MROH2A: variants seen among roughly 807,000 people sequenced by gnomAD.
MROH2A encodes the protein maestro heat-like repeat-containing protein family member 2A.
Under a neutral mutation model 200.4 loss-of-function variants are expected in MROH2A, and 174 were observed. That is an observed-to-expected ratio of 0.87 (90% confidence interval 0.77 to 0.98). MROH2A has a LOEUF of 0.98. Ranked by LOEUF, MROH2A falls within the 50% of genes least tolerant of loss-of-function variation. The pLI, the probability that MROH2A is intolerant of heterozygous loss-of-function variation, is 0.00. For synonymous variants in MROH2A, 829 were observed against 840.4 expected, an observed-to-expected ratio of 0.99 and a Z score of 0.23; for missense variants, 2,045 against 2,139.6, an observed-to-expected ratio of 0.96 and a Z score of 0.87.
At chr2:233,811,658 T>C (rs1401225828) in intron 23 of MROH2A, among the ~76,000 whole-genome samples, 1 of 152,218 alleles carries the variant, frequency 6.6e-6, no homozygotes, top group Admixed American at 6.5e-5. Flanking sequence ...ACACAGCAAG[T>C]AGATGAGCAG....
intron 5 of MROH2A, among the ~76,000 whole-genome samples, chr2:233,792,139 A>G (rs1559444273): frequency 6.6e-6 from 1 of 151,752 alleles, no homozygotes; most frequent in Non-Finnish European, 1.5e-5. Context: ...GTCCGGGAGG[A>G]TGGACGCACT....
At chr2:233,811,284 G>C (rs1249024153) in intron 23 of MROH2A, among the ~76,000 whole-genome samples, 1 of 152,252 alleles carries the variant, frequency 6.6e-6, no homozygotes, top group Non-Finnish European at 1.5e-5. Flanking sequence ...AGGACTTAGA[G>C]TGAAGCCCTG....
At position 233,828,583 on chromosome 2, in the gene MROH2A, G is replaced by A. The variant is rs1704480848; in HGVS notation, c.4114-47G>A. 2 of 1,538,280 alleles carry A rather than the reference G, an allele frequency of 1.3e-6. No individual in the cohort carries two copies. The highest frequency in any genetic ancestry group is 2.0e-5 in the Admixed American group (1 of 50,160). ...CTCCCACGTCCCACCTTGCTGCTGA[G>A]AAATGAGCCCGCCCTGGGGATAACT... On this transcript the variant is annotated intron_variant, in intron 35 of 41. Coordinates refer to ENST00000389758, the MANE Select transcript of MROH2A (RefSeq NM_001394639.1). The surrounding 1 kb of genome is among the most constrained non-coding windows in gnomAD (Gnocchi z 4.6).
Position 233,816,798 on chromosome 2 carries a change from C to T in MROH2A, c.2874C>T (p.Ile958=). ...QEMVQLLEKW[I]LSEKEWEREK... Reference sequence around the variant, plus strand: ...ACCCATAGCTCCTGGAAAAGTGGATCTTGTCGGAGAAAGAATGGGAGCGGG... The same window carrying T: ...ACCCATAGCTCCTGGAAAAGTGGATTTTGTCGGAGAAAGAATGGGAGCGGG... The change falls in exon 27 of 42, where the codon ATC becomes ATT. Residue 958 remains isoleucine, a synonymous_variant. Transcript: ENST00000389758. 6.5e-7 allele frequency: 1 copy of T among 1,550,278 alleles called. No homozygotes were observed. Among genetic ancestry groups the T allele is most frequent in the Non-Finnish European group, 8.7e-7 (1 of 1,146,804 alleles).
At chr2:233,815,845 C>CTTTTTTTT (rs5839494) in intron 26 of MROH2A, among the ~76,000 whole-genome samples, 1 of 129,252 alleles carries the variant, frequency 7.7e-6, no homozygotes, top group Non-Finnish European at 1.6e-5. Flanking sequence ...TTAGATTTTG[C>CTTTTTTTT]TTTTTTTTTT....
Position 233,793,817 on chromosome 2 carries a change from A to C in MROH2A, c.815A>C (p.Asn272Thr). 7.1e-7 allele frequency: 1 copy of C among 1,418,174 alleles called. No homozygotes were observed. Among genetic ancestry groups the C allele is most frequent in the Non-Finnish European group, 9.2e-7 (1 of 1,082,550 alleles). The allele number at this position is 1,418,174 out of a possible 1,614,324, so 87.8% of individuals were successfully genotyped here. A position where few individuals can be genotyped will look rare whatever the true frequency, so the allele number is the denominator to read the frequency against. ...GTGACAGTGTGGCTGAGGCACTACA[A>C]CCCCGAGGTGAGATGCACCCCTCTT... ...YFVTVWLRHY[N>T]PEVKLGVIKS... Residue 272 changes from asparagine to threonine, a missense_variant, in exon 7 of 42, where the codon AAC (asparagine) becomes ACC (threonine). Physicochemically the swap from Asn to Thr is moderately conservative, Grantham distance 65. Transcript: ENST00000389758.
chr2:233,782,436 G>A (rs1049462856), intron 3 of MROH2A, among the ~76,000 whole-genome samples: 2 of 152,086 alleles, frequency 1.3e-5, no homozygotes. Context: ...TTTATTCCTA[G>A]GTATTTTATA....
intron 40 of MROH2A, 60 bp downstream of exon 40, chr2:233,832,339 G>C: frequency 7.0e-7 from 1 of 1,436,334 alleles, no homozygotes; most frequent in Non-Finnish European, 9.5e-7. Context: ...AGTCCACCCC[G>C]GCACTCGGGG....
Position 233,793,784 on chromosome 2 carries a change from G to A in MROH2A, c.782G>A (p.Arg261His), listed in dbSNP as rs531831808. 5.4e-6 allele frequency: 8 copies of A among 1,483,480 alleles called. No individual in the cohort carries two copies. Among genetic ancestry groups the A allele is most frequent in the Middle Eastern group, 1.7e-4 (1 of 5,762 alleles). The allele number at this position is 1,483,480 out of a possible 1,614,324, so 91.9% of individuals were successfully genotyped here. ...GCCCTGAAGGTGTTCCCCATGTATC[G>A]CTACTTCGTGACAGTGTGGCTGAGG... ...EFALKVFPMY[R>H]YFVTVWLRHY... is the part of the protein sequence containing the mutation. The change falls in exon 7 of 42, where the codon CGC becomes CAC. Residue 261 changes from arginine to histidine, a missense_variant. Transcript: ENST00000389758.
chr2:233,829,660 G>T lies in MROH2A; in HGVS notation c.4487G>T (p.Gly1496Val), dbSNP rs1704578950. The change falls in exon 38 of 42, where the codon GGA (glycine) becomes GTA (valine). Residue 1496 changes from glycine (G) to valine (V), a missense_variant. By Grantham distance (109) the Gly-to-Val change is moderately radical. This residue lies in a region of MROH2A where 1,201 missense variants were observed against 1,311.3 expected (regional missense o/e 0.92). Coordinates refer to ENST00000389758, the MANE Select transcript of MROH2A (RefSeq NM_001394639.1). ...LLRLKAFILF[G>V]KLARVVGMSK... Reference sequence around the variant, plus strand: ...CGTCTGAAAGCCTTCATCCTCTTTGGAAAGCTGGCAAGGGTGGTCGGGATG... The same window carrying T: ...CGTCTGAAAGCCTTCATCCTCTTTGTAAAGCTGGCAAGGGTGGTCGGGATG... 6.8e-6 allele frequency: 10 copies of T among 1,480,714 alleles called. No individual in the cohort carries two copies. The highest frequency in any genetic ancestry group is 4.8e-5 in the Admixed American group (2 of 41,300). 91.7% of individuals were successfully genotyped at this position (1,480,714 alleles called of 1,614,324 possible).
In MROH2A at chr2:233,800,260, A is replaced by G. The variant is rs549101862; in HGVS notation, c.1505A>G (p.Lys502Arg). 2.7e-4 allele frequency: 412 copies of G among 1,550,234 alleles called. No homozygotes were observed. The African/African-American group carries it at 4.8e-3, about 18-fold the overall frequency. The change falls in exon 14 of 42, where the codon AAA becomes AGA. Residue 502 changes from lysine (K) to arginine (R), a missense_variant. Around this residue, in one of 3 missense-constraint regions of MROH2A, gnomAD observed 831 missense variants for 800.0 expected, o/e 1.04. Transcript: ENST00000389758. Reference protein sequence around the residue: ...QRDLEERMVHKVTMDTVKIIT... With the variant: ...QRDLEERMVHRVTMDTVKIIT... ...GACTTGGAGGAGAGGATGGTCCACA[A>G]AGTCACCATGGACACTGTGAAGATC...
intron 26 of MROH2A, 92 bp downstream of exon 26, chr2:233,814,769 A>G (rs1703403643): frequency 3.8e-6 from 3 of 782,836 alleles, no homozygotes; most frequent in South Asian, 1.9e-5. Flanking sequence ...AGGGGAGTGC[A>G]TGCAACATTG....
intron 5 of MROH2A, among the ~76,000 whole-genome samples, chr2:233,791,421 A>G (rs928744640): frequency 6.6e-6 from 1 of 152,188 alleles, no homozygotes; most frequent in Non-Finnish European, 1.5e-5. Context: ...TTCCCGAGCT[A>G]GAAGCACTGA....
At chr2:233,830,062 C>T (rs1382569987) in intron 38 of MROH2A, among the ~76,000 whole-genome samples, 2 of 152,124 alleles carry the variant, frequency 1.3e-5, no homozygotes, top group Non-Finnish European at 2.9e-5. Flanking sequence ...CTGCCCAAAC[C>T]CTTTCTTCTA....
rs1376176289 is a variant in MROH2A at position 233,828,581 on chromosome 2, G to C, written c.4114-49G>C. 13 of 1,536,992 alleles carry C rather than the reference G, an allele frequency of 8.5e-6. No homozygotes were observed. Among genetic ancestry groups the C allele is most frequent in the Non-Finnish European group, 8.8e-6 (10 of 1,137,256 alleles). ...TCCTCCCACGTCCCACCTTGCTGCTGAGAAATGAGCCCGCCCTGGGGATAA... is the reference window on the plus strand; with the variant it reads ...TCCTCCCACGTCCCACCTTGCTGCTCAGAAATGAGCCCGCCCTGGGGATAA... On this transcript the variant is annotated intron_variant, in intron 35 of 41. Coordinates refer to ENST00000389758, the MANE Select transcript of MROH2A (RefSeq NM_001394639.1). This position sits in a 1 kb window ranked among gnomAD's most constrained non-coding sequence, Gnocchi z 4.6.
At chr2:233,811,259 GGATCT>G (rs1011029521) in intron 23 of MROH2A, among the ~76,000 whole-genome samples, 7 of 152,226 alleles carry the variant, frequency 4.6e-5, no homozygotes, top group African/African-American at 1.7e-4. Context: ...TTAGGGGCAG[GGATCT>G]GCTGGAAGCA....
rs1291400902 is a variant in MROH2A at position 233,796,043 on chromosome 2, T to A, written c.1136T>A (p.Leu379His). The A allele has an allele frequency of 5.2e-6, 8 of 1,550,410 alleles. No individual in the cohort carries two copies. The highest frequency in any genetic ancestry group is 7.0e-6 in the Non-Finnish European group (8 of 1,146,872). The change falls in exon 10 of 42, where the codon CTT (leucine) becomes CAT (histidine). Residue 379 changes from leucine (L) to histidine (H), a missense_variant and splice_region_variant. Leu to His is a moderately conservative substitution (Grantham distance 99, BLOSUM62 -3). Coordinates refer to ENST00000389758, the MANE Select transcript of MROH2A (RefSeq NM_001394639.1). ...LMEMVHCFVALARSYPKELMK... is the reference protein window; with the variant it reads ...LMEMVHCFVAHARSYPKELMK... ...GAGATGGTGCACTGCTTCGTAGCCC[T>A]TGGTGAGGCTCTGCGGCAGGGTGCT...
chr2:233,831,304 G>C, intron 38 of MROH2A, 105 bp from the exon 39 acceptor site: 1 of 1,381,002 alleles, frequency 7.2e-7, no homozygotes, highest in Non-Finnish European at 9.5e-7. Flanking sequence ...TCTTTGGCTT[G>C]GTGAGGCTTT....
chr2:233,796,130 C>T, intron 10 of MROH2A, 70 bp from the exon 11 acceptor site: 3 of 1,509,320 alleles, frequency 2.0e-6, no homozygotes, highest in Non-Finnish European at 9.0e-7. Flanking sequence ...GAGCGCTGGG[C>T]CTGGGACTGC....
Sources: allele counts gnomAD v4.1 joint callset (sites outside exome capture counted in the v4.1 genomes callset), GRCh38; gene constraint gnomAD v4.1.1; regional missense constraint gnomAD v4.1.1; non-coding constraint Gnocchi (gnomAD v3.1); transcripts MANE v1.5; gene names NCBI Gene and HGNC (gene_info 2026-07-23, HGNC 2026-07-21).